PDLIM3: variants seen among roughly 807,000 people sequenced by gnomAD.
PDLIM3 encodes PDZ and LIM domain 3.
Under a neutral mutation model 37.3 loss-of-function variants are expected in PDLIM3, and 36 were observed. The observed-to-expected ratio is 0.97, with a 90% CI of 0.74 to 1.28. PDLIM3 has a LOEUF of 1.28. Among genes scored for constraint, PDLIM3 ranks in the 50% most tolerant of loss-of-function variants. The pLI is 0.00. For missense variants in PDLIM3, 454 were observed against 485.0 expected, an observed-to-expected ratio of 0.94 and a Z score of 0.60; for synonymous variants, 174 against 182.4, an observed-to-expected ratio of 0.95 and a Z score of 0.37.
chr4:185,500,838 A>C lies in PDLIM3; in HGVS notation c.*1456T>G, dbSNP rs1473324996. On this transcript the variant is annotated 3_prime_UTR_variant, in exon 8 of 8. Coordinates refer to ENST00000284767, the MANE Select transcript of PDLIM3 (RefSeq NM_014476.6). ...TTAAGTTTGGAAGAATCCCAGAGCA[A>C]TAAAACTTGTGTCCCATTTGGGACC... 6.6e-6 allele frequency: 1 copy of C among 152,294 alleles called. No individual in the cohort carries two copies. The highest frequency in any genetic ancestry group is 2.4e-5 in the African/African-American group (1 of 41,450). The allele number at this position is 152,294 out of a possible 1,614,324, so 9.4% of individuals were successfully genotyped here. A position where few individuals can be genotyped will look rare whatever the true frequency, so the allele number is the denominator to read the frequency against.
At position 185,514,790 on chromosome 4, in the gene PDLIM3, T is replaced by C; in HGVS notation, c.331-453A>G. ...AGTTGAATAGAGCCCAATTGGCGAG[T>C]TATAGGAAGCGCTCACTACCTGTCT... On this transcript the variant is annotated intron_variant, in intron 3 of 7. Coordinates refer to ENST00000284767, the MANE Select transcript of PDLIM3 (RefSeq NM_014476.6). This position sits in a 1 kb window ranked among gnomAD's most constrained non-coding sequence, Gnocchi z 4.0. 6.4e-7 allele frequency: 1 copy of C among 1,551,720 alleles called. No homozygotes were observed. Among genetic ancestry groups the C allele is most frequent in the Non-Finnish European group, 8.7e-7 (1 of 1,146,992 alleles).
chr4:185,508,435 A>G lies in PDLIM3; in HGVS notation c.526T>C (p.Leu176=), dbSNP rs1580239489. 1 of 1,614,220 alleles carries G rather than the reference A, an allele frequency of 6.2e-7. No individual in the cohort carries two copies. Among genetic ancestry groups the G allele is most frequent in the African/African-American group, 1.3e-5 (1 of 75,052 alleles). The change falls in exon 5 of 8, where the codon TTG becomes CTG. Residue 176 remains leucine (L), a synonymous_variant. Coordinates refer to ENST00000284767, the MANE Select transcript of PDLIM3 (RefSeq NM_014476.6). The part of the protein sequence containing the change: ...VAAKLAPNIP[L]EMELPGVKIV... Reference sequence around the variant, plus strand: ...TTCACACCAGGAAGTTCCATTTCCAAAGGAATGTTAGGGGCCAGCTTAGCC... The same window carrying G: ...TTCACACCAGGAAGTTCCATTTCCAGAGGAATGTTAGGGGCCAGCTTAGCC...
At chr4:185,518,343 G>A (rs767462355) in intron 3 of PDLIM3, among the ~76,000 whole-genome samples, 7 of 151,998 alleles carry the variant, frequency 4.6e-5, no homozygotes, top group Non-Finnish European at 1.0e-4. Context: ...CTTCTTACTT[G>A]GAGACTGCTC....
chr4:185,502,129 G>A lies in PDLIM3; in HGVS notation c.*165C>T. The stretch of plus-strand genomic sequence containing the variant: ...TGTTTTTTTCACATAGCAGGCATTT[G>A]CCTCCCATTCCTTTTCCTCAATAAA... On this transcript the variant is annotated 3_prime_UTR_variant, in exon 8 of 8. Transcript: ENST00000284767. 1.4e-6 allele frequency: 1 copy of A among 733,698 alleles called. No homozygotes were observed. The highest frequency in any genetic ancestry group is 2.4e-6 in the Non-Finnish European group (1 of 419,578). 45.4% of individuals were successfully genotyped at this position (733,698 alleles called of 1,614,324 possible).
chr4:185,524,892 T>C lies in PDLIM3; in HGVS notation c.245+128A>G, dbSNP rs982512035. On this transcript the variant is annotated intron_variant, in intron 2 of 7. Transcript: ENST00000284767. ...CTTTAGTAAAGAATTAAGTAGCTAATATATAAAAAGTCAGCCAAAATACTA... is the reference window on the plus strand; with the variant it reads ...CTTTAGTAAAGAATTAAGTAGCTAACATATAAAAAGTCAGCCAAAATACTA... The C allele has an allele frequency of 7.2e-6, 6 of 828,286 alleles. No individual in the cohort carries two copies. In the African/African-American group the frequency reaches 8.3e-5, roughly 11 times the overall value. The allele number at this position is 828,286 out of a possible 1,614,324, so 51.3% of individuals were successfully genotyped here.
rs772388695 is a variant in PDLIM3 at position 185,502,318 on chromosome 4, C to G, written c.1071G>C (p.Thr357=). The G allele has an allele frequency of 6.2e-7, 1 of 1,614,218 alleles. No homozygotes were observed. Among genetic ancestry groups the G allele is most frequent in the Non-Finnish European group, 8.5e-7 (1 of 1,180,046 alleles). ...CTTAAGCTTTGGGATACAGAGTGAC[C>G]GTGTCATAGCCCTCTGGGGGCTTTG... is the stretch of plus-strand genomic sequence containing the variant. ...ARTKPPEGYD[T]VTLYPKA Residue 357 remains threonine, a synonymous_variant, in exon 8 of 8, where the codon ACG becomes ACC. Transcript: ENST00000284767.
chr4:185,519,442 C>G (rs150911885), intron 3 of PDLIM3, among the ~76,000 whole-genome samples: 1 of 151,886 alleles, frequency 6.6e-6, no homozygotes, highest in Non-Finnish European at 1.5e-5. Context: ...TGTGCCACCA[C>G]ATCTGGCTAA....
intron 5 of PDLIM3, chr4:185,506,858 C>T (rs1462980591): frequency 1.6e-5 from 9 of 547,598 alleles, no homozygotes; most frequent in African/African-American, 7.5e-5. Flanking sequence ...AACAACAAAT[C>T]GGGGAGTCAC....
At chr4:185,532,481 TG>T in intron 1 of PDLIM3, among the ~76,000 whole-genome samples, 1 of 152,040 alleles carries the variant, frequency 6.6e-6, no homozygotes, top group Admixed American at 6.5e-5. Context: ...GGCATTTGAG[TG>T]GTTTCCACAG....
At position 185,502,269 on chromosome 4, in the gene PDLIM3, G is replaced by T. The variant is rs1286718711; in HGVS notation, c.*25C>A. 6.2e-7 allele frequency: 1 copy of T among 1,612,252 alleles called. No individual in the cohort carries two copies. On this transcript the variant is annotated 3_prime_UTR_variant, in exon 8 of 8. Coordinates refer to ENST00000284767, the MANE Select transcript of PDLIM3 (RefSeq NM_014476.6). Reference sequence around the variant, plus strand: ...TGTAAGTGCGCGTGGGTGGGTGCGTGCGTGCGTGCCACGCCTGCAGAGACT... The same window carrying T: ...TGTAAGTGCGCGTGGGTGGGTGCGTTCGTGCGTGCCACGCCTGCAGAGACT...
intron 3 of PDLIM3, among the ~76,000 whole-genome samples, chr4:185,518,600 T>C (rs531995000): frequency 1.3e-5 from 2 of 152,260 alleles, no homozygotes; most frequent in South Asian, 4.1e-4. Context: ...TTCATCACGT[T>C]TGAAGTTTAG....
rs190086365 is a variant in PDLIM3 at position 185,514,632 on chromosome 4, C to G, written c.331-295G>C. 8.9e-4 allele frequency: 1,263 copies of G among 1,423,686 alleles called. 11 individuals are homozygous for G. The African/African-American group carries it at 0.016, about 18-fold the overall frequency. 88.2% of individuals were successfully genotyped at this position (1,423,686 alleles called of 1,614,324 possible). A position where few individuals can be genotyped will look rare whatever the true frequency, so the allele number is the denominator to read the frequency against. The stretch of plus-strand genomic sequence containing the variant: ...TAAAAATAAAACAGCAAGAGCTGGA[C>G]TTTTGAAAAGAAAAGAAACCATGCT... On this transcript the variant is annotated intron_variant, in intron 3 of 7. Coordinates refer to ENST00000284767, the MANE Select transcript of PDLIM3 (RefSeq NM_014476.6). This position sits in a 1 kb window ranked among gnomAD's most constrained non-coding sequence, Gnocchi z 4.0.
intron 1 of PDLIM3, among the ~76,000 whole-genome samples, chr4:185,526,356 T>C (rs2095734117): frequency 6.6e-6 from 1 of 152,184 alleles, no homozygotes; most frequent in Non-Finnish European, 1.5e-5. Context: ...GCAATTACAT[T>C]AAATGTAAAT....
chr4:185,525,492 G>A (rs900745927), intron 1 of PDLIM3, among the ~76,000 whole-genome samples: 1 of 152,050 alleles, frequency 6.6e-6, no homozygotes, highest in African/African-American at 2.4e-5. Flanking sequence ...TCACCCAGAA[G>A]TCTCTATTTG....
intron 2 of PDLIM3, 50 bp from the exon 3 acceptor site, chr4:185,523,496 GT>G: frequency 8.8e-7 from 1 of 1,142,252 alleles, no homozygotes; most frequent in Non-Finnish European, 1.3e-6. Context: ...GGTACTTTCA[GT>G]TTTAGCATAC....
At chr4:185,528,476 A>G (rs553509399) in intron 1 of PDLIM3, among the ~76,000 whole-genome samples, 1 of 152,360 alleles carries the variant, frequency 6.6e-6, no homozygotes, top group South Asian at 2.1e-4. Context: ...TCTTATACTT[A>G]TGCAAAATGT....
At chr4:185,506,195 T>TG (rs542136384) in intron 6 of PDLIM3, among the ~76,000 whole-genome samples, 15 of 152,228 alleles carry the variant, frequency 9.9e-5, no homozygotes, top group South Asian at 4.2e-4. Context: ...CTCCAGAGTG[T>TG]GGGGGGGAGG....
At chr4:185,531,944 A>AAT (rs2095745217) in intron 1 of PDLIM3, among the ~76,000 whole-genome samples, 1 of 150,744 alleles carries the variant, frequency 6.6e-6, no homozygotes. Context: ...AAAAAAAAAA[A>AAT]AAAATTAGCT....
Position 185,501,166 on chromosome 4 carries a change from A to G in PDLIM3, c.*1128T>C, listed in dbSNP as rs1326289484. ...GGCTGCCTGCGCCAGGGCCAGGCAG[A>G]GTGCATGTCTCAGACAGAGGATCCA... On this transcript the variant is annotated 3_prime_UTR_variant, in exon 8 of 8. Transcript: ENST00000284767. 1 of 152,276 alleles carries G rather than the reference A, an allele frequency of 6.6e-6. No individual in the cohort carries two copies. Among genetic ancestry groups the G allele is most frequent in the East Asian group, 1.9e-4 (1 of 5,198 alleles). The allele number at this position is 152,276 out of a possible 1,614,324, so 9.4% of individuals were successfully genotyped here.
Sources: allele counts gnomAD v4.1 joint callset (sites outside exome capture counted in the v4.1 genomes callset), GRCh38; gene constraint gnomAD v4.1.1; non-coding constraint Gnocchi (gnomAD v3.1); transcripts MANE v1.5; gene names NCBI Gene and HGNC (gene_info 2026-07-23, HGNC 2026-07-21).